The following HTR2C variants were observed in gnomAD, a reference collection of about 807,000 sequenced individuals.
HTR2C encodes the protein 5-hydroxytryptamine (serotonin) receptor 2C, G protein-coupled.
A neutral mutation model predicts 21.0 loss-of-function variants in HTR2C; 5 were observed. The ratio of observed to expected loss-of-function variants is 0.24; its 90% CI spans 0.12 to 0.50. HTR2C has a LOEUF of 0.50. Among genes scored for constraint, HTR2C ranks in the 20% least tolerant of loss-of-function variants. The pLI is 0.98. For missense variants in HTR2C, 271 were observed against 371.2 expected, an observed-to-expected ratio of 0.73 and a Z score of 2.22; for synonymous variants, 150 against 145.3, an observed-to-expected ratio of 1.03 and a Z score of -0.23.
chrX:114,899,917 A>G (rs1231060192), intron 5 of HTR2C, among the ~76,000 whole-genome samples: 1 of 111,465 alleles, frequency 9.0e-6, no homozygotes, highest in East Asian at 2.8e-4. Context: ...TTCATTTATG[A>G]AGTATATGAT....
chrX:114,806,658 T>C (rs2070449287), intron 4 of HTR2C, among the ~76,000 whole-genome samples: 1 of 98,485 alleles, frequency 1.0e-5, no homozygotes, highest in Non-Finnish European at 2.0e-5. Flanking sequence ...ACCATATATA[T>C]ACACTATATA....
chrX:114,636,982 A>T (rs782077498), intron 2 of HTR2C, among the ~76,000 whole-genome samples: 4 of 111,871 alleles, frequency 3.6e-5, no homozygotes, highest in African/African-American at 1.3e-4. Context: ...GTGGTTAGGG[A>T]TTGGCAGGGA....
At chrX:114,843,585 A>G (rs782466943) in intron 4 of HTR2C, among the ~76,000 whole-genome samples, 1 of 111,804 alleles carries the variant, frequency 8.9e-6, no homozygotes, top group African/African-American at 3.2e-5. Flanking sequence ...AATGGCCACA[A>G]ACTTTCCAAC....
chrX:114,663,230 A>G, intron 2 of HTR2C, among the ~76,000 whole-genome samples: 1 of 110,857 alleles, frequency 9.0e-6, no homozygotes, highest in African/African-American at 3.3e-5. Context: ...ACAATTGCCT[A>G]TAGAACCTAA....
chrX:114,896,666 T>G (rs950356389), intron 5 of HTR2C, among the ~76,000 whole-genome samples: 8 of 112,281 alleles, frequency 7.1e-5, no homozygotes, highest in African/African-American at 2.3e-4. Context: ...ATGCTACCTT[T>G]CTTGTAATAA....
intron 4 of HTR2C, among the ~76,000 whole-genome samples, chrX:114,742,511 A>G (rs1457770249): frequency 9.0e-6 from 1 of 110,855 alleles, no homozygotes; most frequent in Non-Finnish European, 1.9e-5. Flanking sequence ...ATGCCTACTA[A>G]ATCAAACAAG....
At chrX:114,673,109 A>G (rs1303896867) in intron 2 of HTR2C, among the ~76,000 whole-genome samples, 2 of 112,179 alleles carry the variant, frequency 1.8e-5, no homozygotes, top group African/African-American at 3.2e-5. Context: ...TGAAAGCTAT[A>G]TGATAACTCT....
At chrX:114,873,318 C>G (rs1556477062) in intron 5 of HTR2C, among the ~76,000 whole-genome samples, 1 of 110,663 alleles carries the variant, frequency 9.0e-6, no homozygotes, top group Non-Finnish European at 1.9e-5. Context: ...TTTATTTTAC[C>G]AGTTTTTCAA....
At chrX:114,798,824 A>G (rs1004352943) in intron 4 of HTR2C, among the ~76,000 whole-genome samples, 3 of 111,499 alleles carry the variant, frequency 2.7e-5, no homozygotes, top group African/African-American at 9.7e-5. Context: ...CATTCTACAC[A>G]AATCTACCTT....
At chrX:114,837,571 C>G (rs2070798160) in intron 4 of HTR2C, among the ~76,000 whole-genome samples, 1 of 110,851 alleles carries the variant, frequency 9.0e-6, no homozygotes, top group African/African-American at 3.3e-5. Context: ...ATCTCTGGCA[C>G]TTGTTCTTGG....
chrX:114,697,278 C>T (rs782656389), intron 2 of HTR2C, among the ~76,000 whole-genome samples: 1 of 112,461 alleles, frequency 8.9e-6, no homozygotes, highest in Admixed American at 9.4e-5. Context: ...TCCAATGTTT[C>T]CTTTTTCTCT....
intron 4 of HTR2C, among the ~76,000 whole-genome samples, chrX:114,840,965 T>G (rs1390189422): frequency 9.0e-6 from 1 of 111,642 alleles, no homozygotes; most frequent in South Asian, 3.8e-4. Context: ...AGGGGTTTGA[T>G]CGCTGCTTCA....
intron 5 of HTR2C, among the ~76,000 whole-genome samples, chrX:114,875,922 GT>G (rs1209952131): frequency 1.8e-3 from 184 of 101,989 alleles, no homozygotes; most frequent in East Asian, 8.0e-3. Flanking sequence ...TGTAGGATTA[GT>G]TTTTTTTTTT....
intron 2 of HTR2C, among the ~76,000 whole-genome samples, chrX:114,672,247 A>G (rs1556411866): frequency 9.0e-6 from 1 of 111,610 alleles, no homozygotes; most frequent in Non-Finnish European, 1.9e-5. Flanking sequence ...TAAAAATTAC[A>G]TGGGTATGGT....
At chrX:114,868,922 A>G (rs1423846599) in intron 5 of HTR2C, among the ~76,000 whole-genome samples, 2 of 110,082 alleles carry the variant, frequency 1.8e-5, no homozygotes, top group African/African-American at 6.6e-5. Context: ...TACATGTGCC[A>G]TGTTGGTTTG....
At chrX:114,649,116 A>C (rs1164268037) in intron 2 of HTR2C, among the ~76,000 whole-genome samples, 1 of 111,697 alleles carries the variant, frequency 9.0e-6, no homozygotes, top group African/African-American at 3.3e-5. Context: ...GCCCCCAATT[A>C]TTTCATGTTT....
intron 4 of HTR2C, among the ~76,000 whole-genome samples, chrX:114,748,457 A>G (rs2069726664): frequency 8.9e-6 from 1 of 111,810 alleles, no homozygotes; most frequent in Admixed American, 9.5e-5. Context: ...TAGCTGAAAC[A>G]GTTTTGAAAA....
chrX:114,775,895 G>T, intron 4 of HTR2C: 1 of 374,032 alleles, frequency 2.7e-6, no homozygotes, highest in South Asian at 3.8e-5. Context: ...ACAGGCAATG[G>T]ATGTACAGAA....
chrX:114,617,704 C>T (rs1929002936), intron 2 of HTR2C, among the ~76,000 whole-genome samples: 1 of 111,391 alleles, frequency 9.0e-6, no homozygotes, highest in Admixed American at 9.6e-5. Context: ...TAAATATATA[C>T]ACCTGCTATG....
Sources: gnomAD v4.1 joint callset for allele counts (sites outside exome capture counted in the v4.1 genomes callset) on GRCh38, gnomAD v4.1.1 for gene constraint, MANE v1.5 for transcripts, NCBI Gene and HGNC (gene_info 2026-07-23, HGNC 2026-07-21) for gene names.